ANTXR1: variants seen among roughly 807,000 people sequenced by gnomAD.
ANTXR1 encodes the protein anthrax toxin receptor 1.
A neutral mutation model predicts 78.1 loss-of-function variants in ANTXR1; 19 were observed. The observed-to-expected ratio is 0.24, with a 90% CI of 0.17 to 0.36. The LOEUF is 0.36. ANTXR1 is among the 10% of genes least tolerant of loss of function. ANTXR1 has a pLI of 1.00. For synonymous variants in ANTXR1, 273 were observed against 260.5 expected, an observed-to-expected ratio of 1.05 and a Z score of -0.46; for missense variants, 518 against 718.6, an observed-to-expected ratio of 0.72 and a Z score of 3.19.
intron 13 of ANTXR1, among the ~76,000 whole-genome samples, chr2:69,152,933 G>A (rs1277775974): frequency 1.3e-5 from 2 of 152,256 alleles, no homozygotes; most frequent in Admixed American, 6.5e-5. Context: ...CCACCCTGAC[G>A]ATAATCCCAA....
intron 8 of ANTXR1, among the ~76,000 whole-genome samples, chr2:69,089,919 G>A (rs899728300): frequency 1.3e-5 from 2 of 152,140 alleles, no homozygotes. Context: ...ATATTCTCAA[G>A]GTAGGATTTA....
At chr2:69,130,649 GGTACATAATA>G (rs2104394848) in intron 12 of ANTXR1, among the ~76,000 whole-genome samples, 1 of 152,246 alleles carries the variant, frequency 6.6e-6, no homozygotes, top group Non-Finnish European at 1.5e-5. Context: ...AGGGGCTTGA[GGTACATAATA>G]GTCTGTTCAA....
intron 1 of ANTXR1, among the ~76,000 whole-genome samples, chr2:69,026,592 A>T (rs1488116971): frequency 6.6e-6 from 1 of 152,254 alleles, no homozygotes; most frequent in Non-Finnish European, 1.5e-5. Context: ...CAATATGTGC[A>T]TACTATAAGT....
At chr2:69,194,116 C>CA (rs1223333075) in intron 17 of ANTXR1, among the ~76,000 whole-genome samples, 2 of 152,118 alleles carry the variant, frequency 1.3e-5, no homozygotes, top group East Asian at 1.9e-4. Context: ...TTGCATTCTC[C>CA]AAAAAACAAG....
chr2:69,233,145 C>T (rs1338946764), intron 17 of ANTXR1, among the ~76,000 whole-genome samples: 4 of 152,104 alleles, frequency 2.6e-5, no homozygotes. Flanking sequence ...TTTTAAATAA[C>T]AGCATGTCTA....
At chr2:69,235,179 A>G (rs1489223942) in intron 17 of ANTXR1, among the ~76,000 whole-genome samples, 3 of 151,800 alleles carry the variant, frequency 2.0e-5, no homozygotes, top group African/African-American at 7.3e-5. Flanking sequence ...ATGTGCCACC[A>G]CGCCCAGCTA....
intron 13 of ANTXR1, among the ~76,000 whole-genome samples, chr2:69,169,698 C>T (rs1673925717): frequency 6.6e-6 from 1 of 152,262 alleles, no homozygotes; most frequent in Non-Finnish European, 1.5e-5. Context: ...TCCCTGGACA[C>T]TCCTTTGCTG....
intron 14 of ANTXR1, among the ~76,000 whole-genome samples, chr2:69,177,962 C>T (rs532870702): frequency 2.1e-3 from 325 of 152,266 alleles, no homozygotes; most frequent in Non-Finnish European, 3.9e-3. Flanking sequence ...CCTCCAATAA[C>T]CATAGAGGAC....
chr2:69,189,951 C>T (rs1020264125), intron 16 of ANTXR1, among the ~76,000 whole-genome samples: 6 of 152,142 alleles, frequency 3.9e-5, no homozygotes, highest in Non-Finnish European at 7.3e-5. Flanking sequence ...AGATCTGGAG[C>T]TCAAGAGAGG....
chr2:69,225,531 T>C (rs1675424953), intron 17 of ANTXR1, among the ~76,000 whole-genome samples: 2 of 151,962 alleles, frequency 1.3e-5, no homozygotes. Flanking sequence ...GACCAATTGG[T>C]AGTCTGGACA....
chr2:69,111,423 A>G (rs2104344433), intron 10 of ANTXR1, among the ~76,000 whole-genome samples: 1 of 152,380 alleles, frequency 6.6e-6, no homozygotes, highest in Admixed American at 6.5e-5. Flanking sequence ...AATGAAAAAC[A>G]TGCTAGACTA....
intron 3 of ANTXR1, among the ~76,000 whole-genome samples, chr2:69,049,568 C>A (rs1305830201): frequency 6.6e-6 from 1 of 152,160 alleles, no homozygotes. Flanking sequence ...CCTCGGCCTT[C>A]CAAAGTGCTG....
intron 12 of ANTXR1, among the ~76,000 whole-genome samples, chr2:69,138,980 A>G (rs1430136325): frequency 6.6e-6 from 1 of 152,188 alleles, no homozygotes; most frequent in Non-Finnish European, 1.5e-5. Flanking sequence ...AACTCAGCCA[A>G]AGTAAATATC....
At chr2:69,228,530 C>A (rs184871514) in intron 17 of ANTXR1, among the ~76,000 whole-genome samples, 1 of 151,856 alleles carries the variant, frequency 6.6e-6, no homozygotes, top group Non-Finnish European at 1.5e-5. Flanking sequence ...GGGAAAATTA[C>A]GCAGCCCCTG....
intron 1 of ANTXR1, among the ~76,000 whole-genome samples, chr2:69,020,773 G>A (rs545812328): frequency 1.4e-4 from 22 of 152,190 alleles, no homozygotes; most frequent in Non-Finnish European, 2.8e-4. Context: ...TTTCAGACAC[G>A]TCAGGTTCAT....
intron 1 of ANTXR1, among the ~76,000 whole-genome samples, chr2:69,039,527 T>G (rs1249845282): frequency 6.6e-6 from 1 of 152,182 alleles, no homozygotes; most frequent in East Asian, 1.9e-4. Context: ...ACCAATTAAT[T>G]AATTATTATT....
intron 8 of ANTXR1, among the ~76,000 whole-genome samples, chr2:69,088,253 C>T (rs1016073262): frequency 6.6e-6 from 1 of 152,084 alleles, no homozygotes; most frequent in African/African-American, 2.4e-5. Flanking sequence ...AGAGTTGGTT[C>T]AAAAAGGTTG....
chr2:69,106,467 G>A (rs1364641677), intron 10 of ANTXR1, among the ~76,000 whole-genome samples: 2 of 152,250 alleles, frequency 1.3e-5, no homozygotes, highest in Non-Finnish European at 2.9e-5. Flanking sequence ...GCTGCGGGCT[G>A]TGACCCCGAT....
At chr2:69,050,077 T>C (rs1211925768) in intron 3 of ANTXR1, among the ~76,000 whole-genome samples, 1 of 152,134 alleles carries the variant, frequency 6.6e-6, no homozygotes, top group Non-Finnish European at 1.5e-5. Flanking sequence ...GAGGATCGCT[T>C]GAGCCCAGGA....
Sources: gnomAD v4.1 joint callset for allele counts (sites outside exome capture counted in the v4.1 genomes callset) on GRCh38, gnomAD v4.1.1 for gene constraint, MANE v1.5 for transcripts, NCBI Gene and HGNC (gene_info 2026-07-23, HGNC 2026-07-21) for gene names.